Variants in MPDZ observed in about 807,000 individuals in gnomAD.
MPDZ encodes multiple PDZ domain protein.
Under a neutral mutation model 239.1 loss-of-function variants are expected in MPDZ, and 234 were observed. The observed-to-expected ratio is 0.98, with a 90% CI of 0.88 to 1.09. The LOEUF (loss-of-function observed/expected upper bound fraction) is 1.09. MPDZ is among the 50% of genes least tolerant of loss of function. The pLI, the probability that MPDZ is intolerant of heterozygous loss-of-function variation, is 0.00. For missense variants in MPDZ, 3,175 were observed against 2,510.0 expected, an observed-to-expected ratio of 1.26 and a Z score of -5.66; for synonymous variants, 1,048 against 881.3, an observed-to-expected ratio of 1.19 and a Z score of -3.35.
intron 25 of MPDZ, among the ~76,000 whole-genome samples, chr9:13,149,694 T>C (rs547421754): frequency 6.6e-6 from 1 of 152,170 alleles, no homozygotes; most frequent in African/African-American, 2.4e-5. Flanking sequence ...TCCAGGAATA[T>C]TTGTTGAGTA....
chr9:13,212,616 G>A (rs189176396), intron 10 of MPDZ, among the ~76,000 whole-genome samples: 13 of 151,640 alleles, frequency 8.6e-5, no homozygotes, highest in African/African-American at 3.1e-4. Flanking sequence ...GTACCACAGA[G>A]AAGAGTGCAG....
At chr9:13,196,309 T>C in intron 12 of MPDZ, 79 bp from the exon 13 acceptor site, 7 of 966,158 alleles carry the variant, frequency 7.2e-6, no homozygotes, top group Non-Finnish European at 1.1e-5. Flanking sequence ...AAGGATTCTC[T>C]GATCAGAACC....
At chr9:13,182,506 C>T (rs1476109336) in intron 19 of MPDZ, among the ~76,000 whole-genome samples, 1 of 151,872 alleles carries the variant, frequency 6.6e-6, no homozygotes, top group Non-Finnish European at 1.5e-5. Flanking sequence ...CACACATGTA[C>T]ATAGATATTC....
At chr9:13,137,729 T>C (rs1013450596) in intron 29 of MPDZ, among the ~76,000 whole-genome samples, 17 of 152,104 alleles carry the variant, frequency 1.1e-4, no homozygotes, top group African/African-American at 3.9e-4. Flanking sequence ...GGGGCAAAAA[T>C]TGTTTCTGGT....
chr9:13,190,163 T>A lies in MPDZ; in HGVS notation c.2105A>T (p.Glu702Val), dbSNP rs4740548. The A allele has an allele frequency of 0.013, 21,691 of 1,613,010 alleles. 510 individuals are homozygous for A. Among genetic ancestry groups the A allele is most frequent in the South Asian group, 0.08 (7,261 of 90,878 alleles). ...AAGTCCTTTGCTCCCTTTCTCCAGC[T>A]CTATGTGCTGAATGCCAGCCTCCCA... ...AMWEAGIQHI[E>V]LEKGSKGLGF... Residue 702 changes from glutamate (E) to valine (V), a missense_variant, in exon 16 of 47, where the codon GAG becomes GTG. Coordinates refer to ENST00000319217, the MANE Select transcript of MPDZ (RefSeq NM_001378778.1).
rs199976321 is a variant in MPDZ, at chr9:13,223,706, C to T, written c.398G>A (p.Arg133His). 370 of 1,598,618 alleles carry T rather than the reference C, an allele frequency of 2.3e-4. No homozygotes were observed. The highest frequency in any genetic ancestry group is 1.2e-3 in the African/African-American group (90 of 74,338). The stretch of plus-strand genomic sequence containing the variant: ...GAGGAGCTCAAAAACTTCTACATGG[C>T]GACCCTGTTTAGGAAACAAAGCAAG... ...DQLIKNMAQG[R>H]HVEVFELLKP... Residue 133 changes from arginine (R) to histidine (H), a missense_variant, in exon 5 of 47, where the codon CGC becomes CAC. Arg to His is a conservative substitution (Grantham distance 29, BLOSUM62 0). Coordinates refer to ENST00000319217, the MANE Select transcript of MPDZ (RefSeq NM_001378778.1).
At chr9:13,243,734 A>C (rs996006339) in intron 3 of MPDZ, among the ~76,000 whole-genome samples, 2 of 152,234 alleles carry the variant, frequency 1.3e-5, no homozygotes, top group East Asian at 3.9e-4. Context: ...AAAATTTCCA[A>C]AGAAAAGTCT....
rs758403987 is a variant in MPDZ, at chr9:13,168,431, G to C, written c.3189C>G (p.Ile1063Met). The C allele has an allele frequency of 6.2e-7, 1 of 1,613,546 alleles. No homozygotes were observed. Among genetic ancestry groups the C allele is most frequent in the East Asian group, 2.2e-5 (1 of 44,854 alleles). Residue 1063 changes from isoleucine to methionine, a missense_variant, in exon 22 of 47, where the codon ATC (isoleucine) becomes ATG (methionine). Transcript: ENST00000319217. ...CTCGTGCCTGGGCATTGGTTACACT[G>C]ATGGTAGACTCTTCATTAATGGACA... ...CILSINEEST[I>M]SVTNAQARAM...
At chr9:13,133,969 A>G (rs1303909083) in intron 31 of MPDZ, 65 bp from the exon 32 acceptor site, 4 of 765,374 alleles carry the variant, frequency 5.2e-6, no homozygotes, top group East Asian at 6.4e-5. Flanking sequence ...TTGTTTAAAT[A>G]TAAAGGCCAC....
chr9:13,277,174 C>T (rs1974411793), intron 1 of MPDZ, among the ~76,000 whole-genome samples: 1 of 152,088 alleles, frequency 6.6e-6, no homozygotes, highest in African/African-American at 2.4e-5. Context: ...CTTTGAAGCA[C>T]ACTAAAAATT....
chr9:13,117,213 C>G (rs1943593840), intron 39 of MPDZ, among the ~76,000 whole-genome samples: 1 of 151,986 alleles, frequency 6.6e-6, no homozygotes, highest in African/African-American at 2.4e-5. Context: ...CAACTGAAAC[C>G]ACAGGAAGAG....
chr9:13,208,245 G>T (rs994341961), intron 10 of MPDZ, among the ~76,000 whole-genome samples: 2 of 152,158 alleles, frequency 1.3e-5, no homozygotes, highest in Admixed American at 6.5e-5. Context: ...ACAGTTTGAG[G>T]CCAGCCTGGG....
intron 1 of MPDZ, among the ~76,000 whole-genome samples, chr9:13,255,520 A>G (rs770779423): frequency 2.6e-5 from 4 of 152,240 alleles, no homozygotes; most frequent in Non-Finnish European, 4.4e-5. Context: ...TTTCAATAAT[A>G]AGACTTGAAA....
intron 3 of MPDZ, among the ~76,000 whole-genome samples, chr9:13,226,652 C>T (rs1960704182): frequency 6.6e-6 from 1 of 152,142 alleles, no homozygotes; most frequent in Non-Finnish European, 1.5e-5. Flanking sequence ...CACGAACTTA[C>T]TGTGCCCTGT....
At chr9:13,107,155 G>A (rs768538172) in intron 46 of MPDZ, 44 bp from the exon 47 acceptor site, 2 of 1,520,166 alleles carry the variant, frequency 1.3e-6, no homozygotes, top group Admixed American at 3.7e-5. Flanking sequence ...AAAAAATGCT[G>A]CCTTGCAACT....
At chr9:13,126,619 G>A in intron 33 of MPDZ, 29 bp from the exon 34 acceptor site, 2 of 1,610,952 alleles carry the variant, frequency 1.2e-6, no homozygotes, top group Non-Finnish European at 8.5e-7. Context: ...GAATTTGAGT[G>A]ATATTCCAAA....
intron 15 of MPDZ, among the ~76,000 whole-genome samples, chr9:13,191,816 T>C (rs1031862245): frequency 2.0e-5 from 3 of 152,202 alleles, no homozygotes; most frequent in Admixed American, 1.3e-4. Flanking sequence ...AACAAGTATA[T>C]AGTATGCATT....
chr9:13,236,197 A>ATGTGTGTGTGTGTG (rs377695828), intron 3 of MPDZ, among the ~76,000 whole-genome samples: 11 of 76,964 alleles, frequency 1.4e-4, no homozygotes, highest in East Asian at 4.8e-4. Flanking sequence ...TTCTGTATAT[A>ATGTGTGTGTGTGTG]TGTGTGTGTG....
intron 29 of MPDZ, among the ~76,000 whole-genome samples, chr9:13,137,736 T>C (rs1321077239): frequency 6.6e-6 from 1 of 152,180 alleles, no homozygotes; most frequent in Non-Finnish European, 1.5e-5. Context: ...AAATTGTTTC[T>C]GGTGCTACAC....
Sources: allele counts gnomAD v4.1 joint callset (sites outside exome capture counted in the v4.1 genomes callset), GRCh38; gene constraint gnomAD v4.1.1; transcripts MANE v1.5; gene names NCBI Gene and HGNC (gene_info 2026-07-23, HGNC 2026-07-21).